VTI1A: variants seen among roughly 807,000 people sequenced by gnomAD.
The protein encoded by VTI1A is vesicle transport through interaction with t-SNAREs 1A, also known as vesicle transport through interaction with t-SNAREs homolog 1A.
A neutral mutation model predicts 34.9 loss-of-function variants in VTI1A; 22 were observed. The ratio of observed to expected loss-of-function variants is 0.63; its 90% CI spans 0.45 to 0.90. The LOEUF (loss-of-function observed/expected upper bound fraction) is 0.90, where lower values mean the gene tolerates loss of function less well. Ranked by LOEUF, VTI1A falls within the 40% of genes least tolerant of loss-of-function variation. The pLI is 0.00. For synonymous variants in VTI1A, 87 were observed against 97.3 expected, an observed-to-expected ratio of 0.89 and a Z score of 0.62; for missense variants, 268 against 275.6, an observed-to-expected ratio of 0.97 and a Z score of 0.20.
At chr10:112,768,571 G>A (rs1040176850) in intron 7 of VTI1A, among the ~76,000 whole-genome samples, 10 of 152,110 alleles carry the variant, frequency 6.6e-5, no homozygotes, top group African/African-American at 1.4e-4. Context: ...CTGGTTCTCC[G>A]ATGCCACAAA....
chr10:112,624,742 T>A (rs1295926711), intron 5 of VTI1A, among the ~76,000 whole-genome samples: 6 of 152,230 alleles, frequency 3.9e-5, no homozygotes, highest in Non-Finnish European at 8.8e-5. Context: ...TCCGATATGT[T>A]TTCTGCCAAA....
chr10:112,744,761 ATGT>A (rs1352856949), intron 7 of VTI1A, among the ~76,000 whole-genome samples: 1 of 152,096 alleles, frequency 6.6e-6, no homozygotes, highest in Non-Finnish European at 1.5e-5. Context: ...TGCACTTTCG[ATGT>A]TGTCCCTTAG....
intron 7 of VTI1A, among the ~76,000 whole-genome samples, chr10:112,685,080 T>C (rs931885269): frequency 2.6e-5 from 4 of 152,226 alleles, no homozygotes; most frequent in African/African-American, 9.6e-5. Flanking sequence ...TTAGTTTTGG[T>C]TTTTTAAATC....
At chr10:112,602,060 C>A (rs1844899644) in intron 5 of VTI1A, among the ~76,000 whole-genome samples, 1 of 152,118 alleles carries the variant, frequency 6.6e-6, no homozygotes, top group Non-Finnish European at 1.5e-5. Flanking sequence ...GGCATTAGTT[C>A]CTCACATGAC....
intron 7 of VTI1A, among the ~76,000 whole-genome samples, chr10:112,681,375 C>T (rs781620613): frequency 6.6e-6 from 1 of 152,148 alleles, no homozygotes; most frequent in Non-Finnish European, 1.5e-5. Flanking sequence ...ACCACTGTGC[C>T]CAGCCAGGAG....
chr10:112,662,249 G>T (rs377577888), intron 5 of VTI1A, among the ~76,000 whole-genome samples: 1 of 151,996 alleles, frequency 6.6e-6, no homozygotes, highest in African/African-American at 2.4e-5. Context: ...TATTCATACC[G>T]TTTTTTTGTC....
At chr10:112,587,641 A>T (rs926925255) in intron 5 of VTI1A, among the ~76,000 whole-genome samples, 7 of 152,314 alleles carry the variant, frequency 4.6e-5, no homozygotes, top group South Asian at 4.1e-4. Context: ...GGACAACTAA[A>T]TGTAATGACA....
At chr10:112,488,032 T>A (rs951322325) in intron 3 of VTI1A, among the ~76,000 whole-genome samples, 1 of 152,192 alleles carries the variant, frequency 6.6e-6, no homozygotes, top group East Asian at 1.9e-4. Flanking sequence ...TTTTGGCTTA[T>A]TGGGTCACAT....
chr10:112,663,274 T>C (rs1403694697), intron 5 of VTI1A, among the ~76,000 whole-genome samples: 1 of 152,226 alleles, frequency 6.6e-6, no homozygotes, highest in Non-Finnish European at 1.5e-5. Flanking sequence ...TATGGCAGGC[T>C]CATTCTCAGA....
chr10:112,685,515 TA>T (rs1590067870), intron 7 of VTI1A, among the ~76,000 whole-genome samples: 1 of 152,188 alleles, frequency 6.6e-6, no homozygotes, highest in East Asian at 1.9e-4. Context: ...GTTCTTACCT[TA>T]CCGTTTTCTG....
chr10:112,447,499 TG>T, intron 1 of VTI1A, 32 bp downstream of exon 1: 1 of 1,607,474 alleles, frequency 6.2e-7, no homozygotes. Flanking sequence ...ACGAGGGTGC[TG>T]GGGAGAGCTG....
the VTI1A span, among the ~76,000 whole-genome samples, chr10:112,837,888 A>G: frequency 6.6e-6 from 1 of 152,186 alleles, no homozygotes. Context: ...AACAGTAGAA[A>G]AGGGGAGGGA....
intron 3 of VTI1A, among the ~76,000 whole-genome samples, chr10:112,467,151 A>AT (rs1042046397): frequency 1.3e-4 from 19 of 151,156 alleles, no homozygotes; most frequent in Non-Finnish European, 2.2e-4. Flanking sequence ...TTTATTCTTA[A>AT]TTTTTTTTTC....
chr10:112,552,079 G>T (rs919275507), intron 5 of VTI1A, among the ~76,000 whole-genome samples: 2 of 152,068 alleles, frequency 1.3e-5, no homozygotes, highest in Non-Finnish European at 2.9e-5. Flanking sequence ...GTTGGTAATT[G>T]TTAATGTATT....
chr10:112,619,540 C>A (rs146644905), intron 5 of VTI1A, among the ~76,000 whole-genome samples: 2 of 152,274 alleles, frequency 1.3e-5, no homozygotes, highest in African/African-American at 2.4e-5. Flanking sequence ...ACAGGGCTGG[C>A]CTGGGGCTTC....
intron 3 of VTI1A, among the ~76,000 whole-genome samples, chr10:112,490,441 C>G (rs1200647206): frequency 1.3e-5 from 2 of 152,080 alleles, no homozygotes; most frequent in Non-Finnish European, 2.9e-5. Flanking sequence ...AGTTTTTCAG[C>G]CCTCATAAAT....
At chr10:112,793,521 G>A (rs893237552) in intron 7 of VTI1A, among the ~76,000 whole-genome samples, 1 of 152,168 alleles carries the variant, frequency 6.6e-6, no homozygotes, top group African/African-American at 2.4e-5. Flanking sequence ...TCTATACTGG[G>A]AATATTCAAC....
chr10:112,640,408 T>C (rs1254422236), intron 5 of VTI1A, among the ~76,000 whole-genome samples: 1 of 152,190 alleles, frequency 6.6e-6, no homozygotes, highest in Non-Finnish European at 1.5e-5. Flanking sequence ...AATCTTATTT[T>C]GCCCATAGCT....
intron 5 of VTI1A, among the ~76,000 whole-genome samples, chr10:112,570,817 G>A (rs1488740540): frequency 6.6e-6 from 1 of 152,238 alleles, no homozygotes; most frequent in Non-Finnish European, 1.5e-5. Flanking sequence ...ATTCATTGCT[G>A]AAAGCAGAGA....
Sources: gnomAD v4.1 joint callset for allele counts (sites outside exome capture counted in the v4.1 genomes callset) on GRCh38, gnomAD v4.1.1 for gene constraint, MANE v1.5 for transcripts, NCBI Gene and HGNC (gene_info 2026-07-23, HGNC 2026-07-21) for gene names.